DNAH14: variants seen among roughly 807,000 people sequenced by gnomAD.
The protein encoded by DNAH14 is dynein axonemal heavy chain 14, also known as axonemal beta dynein heavy chain 14.
DNAH14 carries 478 observed loss-of-function variants against 520.9 expected under a neutral mutation model. The observed-to-expected ratio is 0.92, with a 90% CI of 0.85 to 0.99. The LOEUF is 0.99. DNAH14 is among the 50% of genes least tolerant of loss of function. The pLI is 0.00. For missense variants in DNAH14, 4,831 were observed against 5,234.5 expected (o/e 0.92, Z 2.38); for synonymous variants, 1,581 against 1,757.2 (o/e 0.90, Z 2.51).
chr1:225,097,959 G>A (rs949530105), intron 22 of DNAH14, among the ~76,000 whole-genome samples: 1 of 152,034 alleles, frequency 6.6e-6, no homozygotes, highest in Non-Finnish European at 1.5e-5. Flanking sequence ...AACACTTTGG[G>A]AGCCCAAGAT....
chr1:225,282,796 T>C (rs964510613), intron 54 of DNAH14, among the ~76,000 whole-genome samples: 1 of 152,230 alleles, frequency 6.6e-6, no homozygotes, highest in South Asian at 2.1e-4. Flanking sequence ...CAGATACTGG[T>C]TGATCAACTT....
chr1:225,111,412 G>A (rs975850525), intron 23 of DNAH14, among the ~76,000 whole-genome samples: 3 of 151,854 alleles, frequency 2.0e-5, no homozygotes, highest in African/African-American at 7.3e-5. Context: ...TATGGTTTTT[G>A]TCATGAAATC....
intron 11 of DNAH14, among the ~76,000 whole-genome samples, chr1:225,035,509 G>GTT (rs60032862): frequency 1.2e-4 from 18 of 146,298 alleles, no homozygotes; most frequent in Admixed American, 3.4e-4. Context: ...GTTTTTTTTT[G>GTT]TTTTTTTTTG....
chr1:225,050,381 G>T lies in DNAH14; in HGVS notation c.2079+5G>T, dbSNP rs760869270. The T allele has an allele frequency of 6.5e-7, 1 of 1,527,692 alleles. No homozygotes were observed. Among genetic ancestry groups the T allele is most frequent in the South Asian group, 1.3e-5 (1 of 76,838 alleles). The allele number at this position is 1,527,692 out of a possible 1,614,324, so 94.6% of individuals were successfully genotyped here. A position where few individuals can be genotyped will look rare whatever the true frequency, so the allele number is the denominator to read the frequency against. On this transcript the variant is annotated splice_donor_5th_base_variant and intron_variant, in intron 16 of 85. Transcript: ENST00000682510. ...GATCCTGCCTACCAAAATATAGTAA[G>T]TTTTAAAACAGTTCATTTTAGGAAA...
intron 8 of DNAH14, among the ~76,000 whole-genome samples, chr1:224,993,851 GCATCC>G (rs2063216593): frequency 6.6e-6 from 1 of 151,844 alleles, no homozygotes; most frequent in Admixed American, 6.6e-5. Context: ...TCCTTTTACT[GCATCC>G]CATAAGTTTT....
intron 78 of DNAH14, among the ~76,000 whole-genome samples, chr1:225,376,594 G>A (rs2095704873): frequency 6.6e-6 from 1 of 152,198 alleles, no homozygotes; most frequent in African/African-American, 2.4e-5. Context: ...AGGGTATTCT[G>A]AAATTTGTAT....
intron 42 of DNAH14, 56 bp from the exon 43 acceptor site, chr1:225,240,537 C>T (rs1371369103): frequency 1.8e-6 from 2 of 1,086,540 alleles, no homozygotes; most frequent in South Asian, 3.3e-5. Flanking sequence ...AATTTCTATT[C>T]TTAAACTGCT....
At chr1:224,969,249 T>C (rs2061366044) in intron 7 of DNAH14, 1 of 188,908 alleles carries the variant, frequency 5.3e-6, no homozygotes. Flanking sequence ...AAATATTTTA[T>C]GGTCAAGCAA....
At position 224,964,602 on chromosome 1, in the gene DNAH14, C is replaced by T. The variant is rs1179628224; in HGVS notation, c.491C>T (p.Thr164Ile). ...GSSKIAIQKITLKKPLEDDGE... is the reference protein window; with the variant it reads ...GSSKIAIQKIILKKPLEDDGE... Reference sequence around the variant, plus strand: ...TCCAAAATTGCAATTCAGAAGATTACTTTAAAGGTATTGTTCTATTTTATT... The same window carrying T: ...TCCAAAATTGCAATTCAGAAGATTATTTTAAAGGTATTGTTCTATTTTATT... The change falls in exon 5 of 86, where the codon ACT becomes ATT. Residue 164 changes from threonine to isoleucine, a missense_variant. By Grantham distance (89) the Thr-to-Ile change is moderately conservative. Transcript: ENST00000682510. The T allele has an allele frequency of 1.3e-6, 2 of 1,595,494 alleles. No individual in the cohort carries two copies. Among genetic ancestry groups the T allele is most frequent in the Non-Finnish European group, 1.7e-6 (2 of 1,170,166 alleles).
At chr1:225,034,243 T>C (rs1402392946) in intron 11 of DNAH14, among the ~76,000 whole-genome samples, 1 of 152,208 alleles carries the variant, frequency 6.6e-6, no homozygotes. Context: ...CTTCAACACC[T>C]GGTTTATTGA....
At chr1:224,988,198 A>G (rs1401175040) in intron 8 of DNAH14, among the ~76,000 whole-genome samples, 3 of 152,132 alleles carry the variant, frequency 2.0e-5, no homozygotes, top group Non-Finnish European at 4.4e-5. Context: ...AATGGTTTCC[A>G]GCTCCATCCA....
At chr1:224,992,011 G>A (rs2063091983) in intron 8 of DNAH14, among the ~76,000 whole-genome samples, 1 of 152,130 alleles carries the variant, frequency 6.6e-6, no homozygotes, top group South Asian at 2.1e-4. Flanking sequence ...TATCCATTGT[G>A]TATTCTTGAC....
Position 225,127,162 on chromosome 1 carries a change from T to A in DNAH14, c.4254+3548T>A, listed in dbSNP as rs549290590. On this transcript the variant is annotated intron_variant, in intron 27 of 85. Transcript: ENST00000682510. Reference sequence around the variant, plus strand: ...CAATTTTGGAATAAGTGCAGTGTGGTGCTGAGAAGAATGTATATTCTGTTG... The same window carrying A: ...CAATTTTGGAATAAGTGCAGTGTGGAGCTGAGAAGAATGTATATTCTGTTG... Among the ~76,000 whole-genome samples, 1,147 of 152,322 alleles carry A rather than the reference T, an allele frequency of 7.5e-3. 15 individuals carry two copies. The highest frequency in any genetic ancestry group is 0.026 in the African/African-American group (1,085 of 41,556).
chr1:225,310,192 T>G (rs569676320), intron 60 of DNAH14, among the ~76,000 whole-genome samples: 7 of 152,164 alleles, frequency 4.6e-5, no homozygotes, highest in African/African-American at 1.7e-4. Flanking sequence ...TGTTTTGTTT[T>G]GTTTTGTTTT....
chr1:224,966,205 A>G (rs1320047588), intron 5 of DNAH14, among the ~76,000 whole-genome samples: 2 of 152,150 alleles, frequency 1.3e-5, no homozygotes, highest in Non-Finnish European at 2.9e-5. Context: ...AATATTGATT[A>G]TATTAGAAGC....
intron 29 of DNAH14, among the ~76,000 whole-genome samples, chr1:225,144,875 T>G (rs765065016): frequency 3.3e-5 from 5 of 151,090 alleles, no homozygotes; most frequent in Non-Finnish European, 7.4e-5. Flanking sequence ...CTGACTAACA[T>G]GTGAATGATT....
intron 8 of DNAH14, among the ~76,000 whole-genome samples, chr1:224,990,572 G>T (rs1474229114): frequency 6.6e-6 from 1 of 151,952 alleles, no homozygotes; most frequent in Non-Finnish European, 1.5e-5. Context: ...GTTTTTTTGT[G>T]CCTGGCTTAT....
At chr1:225,189,414 C>CT (rs80207047) in intron 37 of DNAH14, among the ~76,000 whole-genome samples, 16,909 of 110,658 alleles carry the variant, frequency 0.15, 1,269 homozygotes, top group African/African-American at 0.3. Context: ...TCTTTCTTTT[C>CT]TTTTTTTTTT....
chr1:225,238,490 G>T (rs2091752446), intron 42 of DNAH14, among the ~76,000 whole-genome samples: 2 of 152,250 alleles, frequency 1.3e-5, no homozygotes, highest in African/African-American at 4.8e-5. Flanking sequence ...ACTCCTTCCT[G>T]TGGAAGCTCT....
Sources: gnomAD v4.1 joint callset for allele counts (sites outside exome capture counted in the v4.1 genomes callset) on GRCh38, gnomAD v4.1.1 for gene constraint, MANE v1.5 for transcripts, NCBI Gene and HGNC (gene_info 2026-07-23, HGNC 2026-07-21) for gene names.